Variants in SDK1 observed in about 807,000 individuals in gnomAD.
The protein encoded by SDK1 is sidekick cell adhesion molecule 1, also known as protein sidekick-1.
Under a neutral mutation model 245.5 loss-of-function variants are expected in SDK1, and 157 were observed. The ratio of observed to expected loss-of-function variants is 0.64; its 90% confidence interval spans 0.56 to 0.73. The LOEUF is 0.73. Ranked by LOEUF, SDK1 falls within the 30% of genes least tolerant of loss-of-function variation. The pLI, the probability that SDK1 is intolerant of heterozygous loss-of-function variation, is 0.00. For missense variants in SDK1, 3,583 were observed against 3,002.3 expected, an observed-to-expected ratio of 1.19 and a Z score of -4.52; for synonymous variants, 1,647 against 1,278.5, an observed-to-expected ratio of 1.29 and a Z score of -6.15.
rs1025923686 is a variant in SDK1, at chr7:3,543,692, G to A, written c.299-75388G>A. 7.2e-5 allele frequency among the ~76,000 whole-genome samples: 11 copies of A among 152,310 alleles called. No homozygotes were observed. In the South Asian group the frequency reaches 1.7e-3, roughly 23 times the overall value. On this transcript the variant is annotated intron_variant, in intron 1 of 44. Coordinates refer to ENST00000404826, the MANE Select transcript of SDK1 (RefSeq NM_152744.4). ...TTTGTTGAGTGAGATTGTGTTACAC[G>A]TACTCATAGACACAGGCAGGAGTTA...
intron 22 of SDK1, among the ~76,000 whole-genome samples, chr7:4,093,009 T>G (rs899795106): frequency 6.6e-6 from 1 of 152,226 alleles, no homozygotes; most frequent in Non-Finnish European, 1.5e-5. Flanking sequence ...AAGAAGGTTT[T>G]ATTACTTAGA....
chr7:3,732,591 T>A (rs1053106612), intron 4 of SDK1, among the ~76,000 whole-genome samples: 1 of 152,238 alleles, frequency 6.6e-6, no homozygotes, highest in African/African-American at 2.4e-5. Context: ...GGCAAAACAT[T>A]GCATTGTCCT....
intron 1 of SDK1, among the ~76,000 whole-genome samples, chr7:3,553,331 A>G (rs1009748509): frequency 1.3e-5 from 2 of 152,226 alleles, no homozygotes; most frequent in Non-Finnish European, 2.9e-5. Flanking sequence ...TAAGACTTCT[A>G]GCTTGGACAA....
chr7:3,962,957 C>A, intron 9 of SDK1, 106 bp downstream of exon 9: 1 of 509,188 alleles, frequency 2.0e-6, no homozygotes, highest in African/African-American at 2.9e-5. Flanking sequence ...AGGCTCACAG[C>A]TACCTGACCT....
At chr7:3,375,449 G>C (rs1781330870) in intron 1 of SDK1, among the ~76,000 whole-genome samples, 1 of 152,148 alleles carries the variant, frequency 6.6e-6, no homozygotes, top group South Asian at 2.1e-4. Context: ...AGTGATCATT[G>C]CCTTGTAGTA....
chr7:3,492,573 A>T (rs1404357732), intron 1 of SDK1, among the ~76,000 whole-genome samples: 1 of 152,252 alleles, frequency 6.6e-6, no homozygotes, highest in Non-Finnish European at 1.5e-5. Context: ...AAGAGTGGAC[A>T]GCAGTGGCGG....
intron 19 of SDK1, among the ~76,000 whole-genome samples, chr7:4,061,568 G>A (rs1387976033): frequency 5.9e-5 from 9 of 152,144 alleles, no homozygotes; most frequent in Admixed American, 5.9e-4. Flanking sequence ...GTGGAAGTCA[G>A]TGTGGCGATT....
intron 1 of SDK1, among the ~76,000 whole-genome samples, chr7:3,435,625 A>G (rs1241371320): frequency 6.6e-6 from 1 of 151,972 alleles, no homozygotes; most frequent in Non-Finnish European, 1.5e-5. Flanking sequence ...TCGGCCTCCC[A>G]AAGTGCTGGG....
At position 3,853,298 on chromosome 7, in the gene SDK1, A is replaced by G. The variant is rs17133936; in HGVS notation, c.847+31715A>G. Among the ~76,000 whole-genome samples, 829 of 152,238 alleles carry G rather than the reference A, an allele frequency of 5.4e-3. 8 individuals carry two copies. Among genetic ancestry groups the G allele is most frequent in the African/African-American group, 0.019 (786 of 41,546 alleles). ...AGTGGATTCTGGAGTTCATTTAGTA[A>G]ACAATTTTGGAGGGCATCTATTAAG... On this transcript the variant is annotated intron_variant, in intron 5 of 44. Transcript: ENST00000404826.
At chr7:4,232,427 TGTTATAATG>T (rs1785853299) in intron 40 of SDK1, among the ~76,000 whole-genome samples, 1 of 143,562 alleles carries the variant, frequency 7.0e-6, no homozygotes, top group African/African-American at 2.6e-5. Flanking sequence ...TTTTTTTTTT[TGTTATAATG>T]TGAAGTCATA....
intron 5 of SDK1, among the ~76,000 whole-genome samples, chr7:3,937,522 A>T (rs1000279215): frequency 1.3e-5 from 2 of 152,202 alleles, no homozygotes; most frequent in African/African-American, 4.8e-5. Context: ...TTAAAAACAA[A>T]ATCGCAGGTC....
In SDK1 at chr7:3,987,303, C is replaced by G. The variant is rs762707264; in HGVS notation, c.2112C>G (p.Ile704Met). The G allele has an allele frequency of 6.2e-7, 1 of 1,614,042 alleles. No individual in the cohort carries two copies. The highest frequency in any genetic ancestry group is 1.1e-5 in the South Asian group (1 of 91,040). The part of the protein sequence containing the change: ...FDGNSPILYY[I>M]VELSENNSPW... ...GAAACAGTCCTATTCTTTATTACAT[C>G]GTGGAGCTCTCTGAAAACAGTAAGT... The change falls in exon 14 of 45, where the codon ATC (isoleucine) becomes ATG (methionine). Residue 704 changes from isoleucine to methionine, a missense_variant. Physicochemically the swap from Ile to Met is conservative, Grantham distance 10. Transcript: ENST00000404826.
chr7:3,702,373 A>G (rs1348076657), intron 4 of SDK1, among the ~76,000 whole-genome samples: 1 of 152,210 alleles, frequency 6.6e-6, no homozygotes, highest in African/African-American at 2.4e-5. Flanking sequence ...TTTAAAAAGC[A>G]ACTGTGTCTT....
intron 4 of SDK1, among the ~76,000 whole-genome samples, chr7:3,800,950 C>CT (rs1324465579): frequency 6.6e-6 from 1 of 152,128 alleles, no homozygotes; most frequent in Non-Finnish European, 1.5e-5. Context: ...CTTTAACTTT[C>CT]TTTTTTACAC....
chr7:3,821,524 C>G lies in SDK1; in HGVS notation c.788C>G (p.Ala263Gly). The G allele has an allele frequency of 1.2e-6, 2 of 1,613,774 alleles. No individual in the cohort carries two copies. Among genetic ancestry groups the G allele is most frequent in the Non-Finnish European group, 8.5e-7 (1 of 1,179,836 alleles). The change falls in exon 5 of 45, where the codon GCC becomes GGC. Residue 263 changes from alanine to glycine, a missense_variant. Physicochemically the swap from Ala to Gly is moderately conservative, Grantham distance 60. Transcript: ENST00000404826. ...GATGCCGGGGCATACTACGTGCAGGCCGTGAATGAGAAAAATGGAGAAAAC... is the reference window on the plus strand; with the variant it reads ...GATGCCGGGGCATACTACGTGCAGGGCGTGAATGAGAAAAATGGAGAAAAC... ...TSDAGAYYVQ[A>G]VNEKNGENKT... is the part of the protein sequence containing the mutation.
intron 1 of SDK1, among the ~76,000 whole-genome samples, chr7:3,335,928 G>A (rs1244699296): frequency 6.6e-6 from 1 of 152,154 alleles, no homozygotes; most frequent in Non-Finnish European, 1.5e-5. Context: ...CTGAAAGGTG[G>A]AGAGAAGACT....
At chr7:4,171,385 G>T (rs575856637) in intron 32 of SDK1, among the ~76,000 whole-genome samples, 1 of 152,362 alleles carries the variant, frequency 6.6e-6, no homozygotes, top group African/African-American at 2.4e-5. Flanking sequence ...GAGGGAGCGG[G>T]TATCCAGAGA....
chr7:3,450,707 C>G (rs771105630), intron 1 of SDK1, among the ~76,000 whole-genome samples: 4 of 151,992 alleles, frequency 2.6e-5, no homozygotes, highest in Non-Finnish European at 5.9e-5. Flanking sequence ...CTGACCTTAG[C>G]TCATGTGAAA....
chr7:4,029,228 T>TTTTCTTTTTTGTG (rs746967075), intron 17 of SDK1, among the ~76,000 whole-genome samples: 1 of 112,088 alleles, frequency 8.9e-6, no homozygotes, highest in East Asian at 2.1e-4. Context: ...TTTTTTTTTT[T>TTTTCTTTTTTGTG]TGTGAAGAAG....
Sources: allele counts gnomAD v4.1 joint callset (sites outside exome capture counted in the v4.1 genomes callset), GRCh38; gene constraint gnomAD v4.1.1; transcripts MANE v1.5; gene names NCBI Gene and HGNC (gene_info 2026-07-23, HGNC 2026-07-21).